Variants in LEMD2 observed in about 807,000 individuals in gnomAD.
LEMD2 encodes the protein LEM domain-containing protein 2.
Under a neutral mutation model 58.8 loss-of-function variants are expected in LEMD2, and 34 were observed. The observed-to-expected ratio is 0.58, with a 90% CI of 0.44 to 0.77. The LOEUF (loss-of-function observed/expected upper bound fraction) is 0.77. Among genes scored for constraint, LEMD2 ranks in the 30% least tolerant of loss-of-function variants. The pLI is 0.00. For synonymous variants in LEMD2, 298 were observed against 308.9 expected (o/e 0.96, Z 0.37); for missense variants, 629 against 717.9 (o/e 0.88, Z 1.42).
At chr6:33,774,690 A>G (rs994959791) in intron 8 of LEMD2, among the ~76,000 whole-genome samples, 3 of 152,134 alleles carry the variant, frequency 2.0e-5, no homozygotes, top group African/African-American at 7.2e-5. Context: ...TTGGCCTCCC[A>G]AAGTACTGAG....
At chr6:33,782,464 C>T (rs1350095842) in intron 3 of LEMD2, among the ~76,000 whole-genome samples, 1 of 152,216 alleles carries the variant, frequency 6.6e-6, no homozygotes, top group Non-Finnish European at 1.5e-5. Flanking sequence ...TCATCTTCCC[C>T]TTCCTCCATG....
At chr6:33,783,279 C>T (rs1043420714) in intron 3 of LEMD2, among the ~76,000 whole-genome samples, 2 of 152,200 alleles carry the variant, frequency 1.3e-5, no homozygotes, top group African/African-American at 2.4e-5. Flanking sequence ...CCTGTTTCTC[C>T]TCCAAGTGCT....
intron 8 of LEMD2, 88 bp from the exon 9 acceptor site, chr6:33,772,866 G>T: frequency 4.8e-6 from 6 of 1,238,118 alleles, no homozygotes; most frequent in African/African-American, 1.5e-5. Context: ...CACATTTCCA[G>T]GCTCTGGCAT....
At chr6:33,775,340 T>C (rs1485391104) in intron 8 of LEMD2, among the ~76,000 whole-genome samples, 1 of 152,128 alleles carries the variant, frequency 6.6e-6, no homozygotes, top group African/African-American at 2.4e-5. Flanking sequence ...TTTTAAGAGA[T>C]AGGGTCTTGC....
intron 3 of LEMD2, chr6:33,781,372 GCA>G (rs1376210662): frequency 2.2e-5 from 12 of 556,912 alleles, no homozygotes; most frequent in African/African-American, 5.7e-5. Context: ...AAGCAGTGTG[GCA>G]TTTTGCATTA....
At chr6:33,784,245 C>G (rs540506631) in intron 3 of LEMD2, 107 bp downstream of exon 3, 2 of 886,842 alleles carry the variant, frequency 2.3e-6, no homozygotes, top group Non-Finnish European at 3.8e-6. Context: ...GAGAGACAAC[C>G]AGGGAGTGTC....
intron 2 of LEMD2, 50 bp from the exon 3 acceptor site, chr6:33,784,477 G>GGGGGGGGGGGGGGGCCCCCCCCCCC: frequency 2.3e-6 from 1 of 430,808 alleles, no homozygotes; most frequent in Non-Finnish European, 4.8e-6. Context: ...GGTGGGAGGG[G>GGGGGGGGGGGGGGGCCCCCCCCCCC]TCCGTCTGTC....
chr6:33,773,594 CG>C (rs10660361), intron 8 of LEMD2, among the ~76,000 whole-genome samples: 1,542 of 139,466 alleles, frequency 0.011, 33 homozygotes, highest in African/African-American at 0.037. Flanking sequence ...AGTCAGGAGG[CG>C]GGGGGGGGGC....
intron 8 of LEMD2, among the ~76,000 whole-genome samples, chr6:33,773,225 G>A (rs1180432781): frequency 6.6e-6 from 1 of 152,194 alleles, no homozygotes; most frequent in Non-Finnish European, 1.5e-5. Context: ...GATGGGATGA[G>A]CTAAGCATCA....
chr6:33,782,974 G>A (rs1345063741), intron 3 of LEMD2, among the ~76,000 whole-genome samples: 1 of 152,250 alleles, frequency 6.6e-6, no homozygotes, highest in Non-Finnish European at 1.5e-5. Flanking sequence ...ACATATGGAG[G>A]GTAGGATGGA....
chr6:33,788,722 C>G lies in LEMD2; in HGVS notation c.395G>C (p.Arg132Pro). The change falls in exon 1 of 9, where the codon CGC becomes CCC. Residue 132 changes from arginine (R) to proline (P), a missense_variant. This residue lies in a region of LEMD2 where 386 missense variants were observed against 381.1 expected (regional missense o/e 1.01). Transcript: ENST00000293760. ...CTCGGAGCTGCCCCGGACCGAGGCG[C>G]GGCGCCTGAGTTGCGCCGGGCGGGC... The part of the protein sequence containing the change: ...YPARPAQLRR[R>P]ASVRGSSEED... 7.0e-7 allele frequency: 1 copy of G among 1,424,380 alleles called. No homozygotes were observed. The highest frequency in any genetic ancestry group is 9.2e-7 in the Non-Finnish European group (1 of 1,089,688). 88.2% of individuals were successfully genotyped at this position (1,424,380 alleles called of 1,614,324 possible).
At chr6:33,782,522 G>T (rs1045392896) in intron 3 of LEMD2, among the ~76,000 whole-genome samples, 2 of 152,196 alleles carry the variant, frequency 1.3e-5, no homozygotes, top group Non-Finnish European at 2.9e-5. Flanking sequence ...GCTTTGCCTT[G>T]TCCTTCCCCA....
chr6:33,772,927 A>G, intron 8 of LEMD2, 149 bp from the exon 9 acceptor site: 1 of 660,382 alleles, frequency 1.5e-6, no homozygotes, highest in Non-Finnish European at 2.6e-6. Context: ...TGACAACTGC[A>G]GAGGAGAAAA....
rs764855004 is a variant in LEMD2, at chr6:33,788,795, G to T, written c.322C>A (p.Arg108=). Residue 108 remains arginine, a synonymous_variant, in exon 1 of 9, where the codon CGG becomes AGG. Transcript: ENST00000293760. ...CCTACCCAGGAAGCCGCGGAGGGCC[G>T]GATATCACCGTAGGCCCCAGGGGTC... ...YATPGAYGDI[R]PSAASWVGSR... The T allele has an allele frequency of 2.1e-6, 3 of 1,452,860 alleles. No individual in the cohort carries two copies. The highest frequency in any genetic ancestry group is 3.0e-5 in the East Asian group (1 of 33,234). 90.0% of individuals were successfully genotyped at this position (1,452,860 alleles called of 1,614,324 possible).
At chr6:33,788,345 G>C in intron 1 of LEMD2, 36 bp downstream of exon 1, 1 of 1,511,542 alleles carries the variant, frequency 6.6e-7, no homozygotes, top group Non-Finnish European at 8.9e-7. Flanking sequence ...ACACACGCGC[G>C]CCCAGGGCCC....
chr6:33,788,972 G>C lies in LEMD2; in HGVS notation c.145C>G (p.Arg49Gly). The C allele has an allele frequency of 6.5e-7, 1 of 1,536,818 alleles. No individual in the cohort carries two copies. The highest frequency in any genetic ancestry group is 2.0e-5 in the Admixed American group (1 of 50,492). ...CGCGGCCGGGCCTCCTCCCGCAGCCGCTCCTCGTCGCGCAGCCGGGCCTCG... is the reference window on the plus strand; with the variant it reads ...CGCGGCCGGGCCTCCTCCCGCAGCCCCTCCTCGTCGCGCAGCCGGGCCTCG... ...RGEARLRDEERLREEARPRGE... is the reference protein window; with the variant it reads ...RGEARLRDEEGLREEARPRGE... The change falls in exon 1 of 9, where the codon CGG becomes GGG. Residue 49 changes from arginine to glycine, a missense_variant. Physicochemically the swap from Arg to Gly is moderately radical, Grantham distance 125. Transcript: ENST00000293760.
In LEMD2 at chr6:33,788,426, C is replaced by T. The variant is rs1018808844; in HGVS notation, c.691G>A (p.Val231Met). 6 of 1,586,938 alleles carry T rather than the reference C, an allele frequency of 3.8e-6. No homozygotes were observed. In the African/African-American group the frequency reaches 6.7e-5, roughly 18 times the overall value. ...GGCGCTGAGGGCTTGCCCATCTTCA[C>T]CCAAAGGATGCCCAGGAAGACGAGC... ...LLLVFLGILW[V>M]KMGKPSAPQE... Residue 231 changes from valine (V) to methionine (M), a missense_variant, in exon 1 of 9, where the codon GTG (valine) becomes ATG (methionine). This residue lies in a region of LEMD2 where 386 missense variants were observed against 381.1 expected (regional missense o/e 1.01). Coordinates refer to ENST00000293760, the MANE Select transcript of LEMD2 (RefSeq NM_181336.4).
rs929256842 is a variant in LEMD2, at chr6:33,771,779, G to C, written c.*849C>G. 1.3e-5 allele frequency: 2 copies of C among 152,228 alleles called. No individual in the cohort carries two copies. The highest frequency in any genetic ancestry group is 1.9e-4 in the East Asian group (1 of 5,198). 9.4% of individuals were successfully genotyped at this position (152,228 alleles called of 1,614,324 possible). On this transcript the variant is annotated 3_prime_UTR_variant, in exon 9 of 9. Transcript: ENST00000293760. The stretch of plus-strand genomic sequence containing the variant: ...TGAAGTTCTTGTTAAACAGCCCCGC[G>C]TCGGGGCTGTGGTCACAGTAAAGCA...
intron 1 of LEMD2, 63 bp from the exon 2 acceptor site, chr6:33,786,837 A>C: frequency 1.2e-6 from 2 of 1,603,996 alleles, no homozygotes. Flanking sequence ...ATACAAAAAG[A>C]GACTACTCAC....
Sources: allele counts gnomAD v4.1 joint callset (sites outside exome capture counted in the v4.1 genomes callset), GRCh38; gene constraint gnomAD v4.1.1; regional missense constraint gnomAD v4.1.1; transcripts MANE v1.5; gene names NCBI Gene and HGNC (gene_info 2026-07-23, HGNC 2026-07-21).